Variants in CABLES1 observed in about 807,000 individuals in gnomAD.
CABLES1 encodes the protein CDK5 and ABL1 enzyme substrate 1.
In CABLES1, 36 loss-of-function variants were observed where a neutral mutation model predicts 57.8. The observed-to-expected ratio is 0.62, with a 90% CI of 0.48 to 0.82. The LOEUF (loss-of-function observed/expected upper bound fraction) is 0.82. CABLES1 is among the 40% of genes least tolerant of loss of function. CABLES1 has a pLI of 0.00. For synonymous variants in CABLES1, 374 were observed against 363.0 expected (o/e 1.03, Z -0.35); for missense variants, 767 against 836.6 (o/e 0.92, Z 1.03).
At chr18:23,189,310 T>TTA (rs1462296686) in intron 2 of CABLES1, 13 of 176,486 alleles carry the variant, frequency 7.4e-5, no homozygotes, top group Non-Finnish European at 1.3e-4. Context: ...AACCACGATG[T>TTA]CGCTCCCTGG....
intron 3 of CABLES1, among the ~76,000 whole-genome samples, chr18:23,211,661 G>T (rs963443971): frequency 2.0e-5 from 3 of 152,260 alleles, no homozygotes; most frequent in Non-Finnish European, 4.4e-5. Context: ...GTTTAGGGAA[G>T]AGCATTCGTA....
intron 1 of CABLES1, among the ~76,000 whole-genome samples, chr18:23,143,452 T>C (rs1029528980): frequency 6.6e-6 from 1 of 152,242 alleles, no homozygotes; most frequent in African/African-American, 2.4e-5. Flanking sequence ...ATGGGAATGA[T>C]ACTACCACCT....
chr18:23,209,784 G>A (rs2047390800), intron 3 of CABLES1, among the ~76,000 whole-genome samples: 1 of 122,202 alleles, frequency 8.2e-6, no homozygotes, highest in South Asian at 2.6e-4. Flanking sequence ...GGAAATACTT[G>A]AGGACCGTGG....
chr18:23,165,202 C>G (rs1484533741), intron 1 of CABLES1, among the ~76,000 whole-genome samples: 2 of 152,108 alleles, frequency 1.3e-5, no homozygotes, highest in Non-Finnish European at 2.9e-5. Context: ...CTCCAGCAAT[C>G]CTCCCAAGTA....
chr18:23,253,112 C>T (rs762998684), intron 8 of CABLES1, 46 bp downstream of exon 8: 2 of 1,030,256 alleles, frequency 1.9e-6, no homozygotes, highest in African/African-American at 3.1e-5. Context: ...GCAAACCCCT[C>T]TTTCCACACA....
rs531635924 is a variant in CABLES1 at position 23,234,390 on chromosome 18, T to C, written c.1089-218T>C. Reference sequence around the variant, plus strand: ...ATGTCTGTAAACCATCAGCTTCATCTTCAGGCTTTCTGTTCAGTTGGATTT... The same window carrying C: ...ATGTCTGTAAACCATCAGCTTCATCCTCAGGCTTTCTGTTCAGTTGGATTT... On this transcript the variant is annotated intron_variant, in intron 4 of 9. Coordinates refer to ENST00000256925, the MANE Select transcript of CABLES1 (RefSeq NM_001100619.3). 2.6e-5 allele frequency among the ~76,000 whole-genome samples: 4 copies of C among 152,346 alleles called. 1 individual carries two copies. In the South Asian group the frequency reaches 8.3e-4, roughly 32 times the overall value.
chr18:23,172,143 ATTTTCT>A (rs946155018), intron 1 of CABLES1, among the ~76,000 whole-genome samples: 1 of 152,030 alleles, frequency 6.6e-6, no homozygotes, highest in African/African-American at 2.4e-5. Flanking sequence ...AGGCTGGAAC[ATTTTCT>A]TTTACTTCTT....
At chr18:23,208,800 C>G (rs1568068391) in intron 3 of CABLES1, among the ~76,000 whole-genome samples, 1 of 152,160 alleles carries the variant, frequency 6.6e-6, no homozygotes, top group Non-Finnish European at 1.5e-5. Context: ...CCTCTGAGCC[C>G]CAGGGGAAGA....
At chr18:23,185,073 C>A (rs111971030) in intron 1 of CABLES1, among the ~76,000 whole-genome samples, 2 of 152,154 alleles carry the variant, frequency 1.3e-5, no homozygotes, top group East Asian at 1.9e-4. Flanking sequence ...AGGGGAATTA[C>A]CGAATATGCT....
Position 23,214,024 on chromosome 18 carries a change from T to C in CABLES1, c.1058T>C (p.Val353Ala). The change falls in exon 4 of 10, where the codon GTG becomes GCG. Residue 353 changes from valine (V) to alanine (A), a missense_variant. By Grantham distance (64) the Val-to-Ala change is moderately conservative (BLOSUM62 0). This residue lies in a region of CABLES1 where 529 missense variants were observed against 622.8 expected (regional missense o/e 0.85). Coordinates refer to ENST00000256925, the MANE Select transcript of CABLES1 (RefSeq NM_001100619.3). The stretch of plus-strand genomic sequence containing the variant: ...AGATCCTTCTGTAGTATATTTTCAG[T>C]GCTGCCGTATCGCGACAGTACCCAA... ...GRRSFCSIFS[V>A]LPYRDSTQVG... is the part of the protein sequence containing the mutation. 1 of 1,613,452 alleles carries C rather than the reference T, an allele frequency of 6.2e-7. No homozygotes were observed. The highest frequency in any genetic ancestry group is 1.1e-5 in the South Asian group (1 of 90,976).
intron 1 of CABLES1, among the ~76,000 whole-genome samples, chr18:23,159,916 C>T (rs987787676): frequency 2.6e-5 from 4 of 151,082 alleles, no homozygotes; most frequent in African/African-American, 4.9e-5. Flanking sequence ...CAAGTTACAC[C>T]GTTAAGGTGG....
In CABLES1 at chr18:23,136,057, G is replaced by A. The variant is rs201595073; in HGVS notation, c.295G>A (p.Gly99Ser). The change falls in exon 1 of 10, where the codon GGC (glycine) becomes AGC (serine). Residue 99 changes from glycine (G) to serine (S), a missense_variant. By Grantham distance (56) the Gly-to-Ser change is moderately conservative. Coordinates refer to ENST00000256925, the MANE Select transcript of CABLES1 (RefSeq NM_001100619.3). ...EEGGAAKPGA[G>S]GACGARTRFS... ...GGGCGGCGCGGCCAAGCCGGGCGCC[G>A]GCGGCGCCTGCGGCGCGAGGACTCG... 4.3e-6 allele frequency: 3 copies of A among 703,648 alleles called. No individual in the cohort carries two copies. Among genetic ancestry groups the A allele is most frequent in the South Asian group, 7.1e-5 (1 of 14,092 alleles). The allele number at this position is 703,648 out of a possible 1,614,324, so 43.6% of individuals were successfully genotyped here. A position where few individuals can be genotyped will look rare whatever the true frequency, so the allele number is the denominator to read the frequency against.
At chr18:23,212,552 C>T (rs2047412492) in intron 3 of CABLES1, among the ~76,000 whole-genome samples, 1 of 152,160 alleles carries the variant, frequency 6.6e-6, no homozygotes, top group Non-Finnish European at 1.5e-5. Flanking sequence ...ATGCCTGCAG[C>T]CCTGCCCTCC....
chr18:23,189,493 C>G (rs2047226112), intron 2 of CABLES1: 1 of 154,614 alleles, frequency 6.5e-6, no homozygotes, highest in Non-Finnish European at 1.4e-5. Context: ...TCCTCTAACC[C>G]AGCCAGGCCC....
chr18:23,154,915 A>G (rs886337260), intron 1 of CABLES1, among the ~76,000 whole-genome samples: 3 of 152,220 alleles, frequency 2.0e-5, no homozygotes, highest in Admixed American at 2.0e-4. Flanking sequence ...GCTGATATTC[A>G]TGTCATTTAC....
chr18:23,186,420 C>G (rs566804134), intron 1 of CABLES1, among the ~76,000 whole-genome samples: 1 of 150,178 alleles, frequency 6.7e-6, no homozygotes, highest in South Asian at 2.1e-4. Context: ...TTTCTTTTCT[C>G]TTCTTTTTTT....
chr18:23,210,808 G>A (rs532487086), intron 3 of CABLES1, among the ~76,000 whole-genome samples: 30 of 152,198 alleles, frequency 2.0e-4, no homozygotes, highest in Admixed American at 2.0e-4. Context: ...GCCTCTGTGC[G>A]GGTCTCTGCT....
In CABLES1 at chr18:23,257,517, T is replaced by G. The variant is rs1185305414; in HGVS notation, c.*150T>G. On this transcript the variant is annotated 3_prime_UTR_variant, in exon 10 of 10. Coordinates refer to ENST00000256925, the MANE Select transcript of CABLES1 (RefSeq NM_001100619.3). ...TGGGGAGAAGCAGTACTAGAAACTT[T>G]CCAAGGAGTCTTGGGTGTGTAGCCA... 5.9e-6 allele frequency: 5 copies of G among 853,102 alleles called. No homozygotes were observed. Among genetic ancestry groups the G allele is most frequent in the Non-Finnish European group, 8.6e-6 (5 of 584,020 alleles). The allele number at this position is 853,102 out of a possible 1,614,324, so 52.8% of individuals were successfully genotyped here.
chr18:23,153,089 T>C (rs141700216), intron 1 of CABLES1, among the ~76,000 whole-genome samples: 4,436 of 151,930 alleles, frequency 0.029, 162 homozygotes, highest in African/African-American at 0.086. Flanking sequence ...CGTGAGCCAC[T>C]ACGCCTGGCT....
Sources: allele counts gnomAD v4.1 joint callset (sites outside exome capture counted in the v4.1 genomes callset), GRCh38; gene constraint gnomAD v4.1.1; regional missense constraint gnomAD v4.1.1; transcripts MANE v1.5; gene names NCBI Gene and HGNC (gene_info 2026-07-23, HGNC 2026-07-21).